SNX7: variants seen among roughly 807,000 people sequenced by gnomAD.
The protein encoded by SNX7 is sorting nexin-7.
A neutral mutation model predicts 48.4 loss-of-function variants in SNX7; 35 were observed. That is an observed-to-expected ratio of 0.72 (90% CI 0.55 to 0.96). The LOEUF is 0.96. Among genes scored for constraint, SNX7 ranks in the 40% least tolerant of loss-of-function variants. SNX7 has a pLI of 0.00. For missense variants in SNX7, 553 were observed against 548.9 expected, an observed-to-expected ratio of 1.01 and a Z score of -0.07; for synonymous variants, 190 against 190.2, an observed-to-expected ratio of 1.00 and a Z score of 0.01.
chr1:98,741,059 T>C (rs929543176), intron 8 of SNX7, among the ~76,000 whole-genome samples: 2 of 152,172 alleles, frequency 1.3e-5, no homozygotes, highest in African/African-American at 4.8e-5. Flanking sequence ...TGTCACTAAC[T>C]ATTAATATCA....
chr1:98,749,208 C>A (rs1052885158), intron 8 of SNX7, among the ~76,000 whole-genome samples: 8 of 152,036 alleles, frequency 5.3e-5, no homozygotes, highest in African/African-American at 1.9e-4. Flanking sequence ...CCTTTCAGAG[C>A]CCCAATTTCC....
chr1:98,729,809 C>T (rs1653400347), intron 7 of SNX7, among the ~76,000 whole-genome samples: 1 of 151,982 alleles, frequency 6.6e-6, no homozygotes, highest in Non-Finnish European at 1.5e-5. Flanking sequence ...GACAGATTTA[C>T]AGCTGAATTC....
intron 5 of SNX7, among the ~76,000 whole-genome samples, chr1:98,697,874 G>A (rs1176823558): frequency 2.0e-5 from 3 of 152,102 alleles, no homozygotes; most frequent in Non-Finnish European, 4.4e-5. Context: ...ATTAGAAGTA[G>A]TTTGTCAGGT....
chr1:98,675,144 A>C (rs899980479), intron 1 of SNX7, among the ~76,000 whole-genome samples: 3 of 152,184 alleles, frequency 2.0e-5, no homozygotes, highest in Admixed American at 6.5e-5. Context: ...TTATTGATCC[A>C]TTTCTCCTGA....
chr1:98,667,822 A>T (rs1430006951), intron 1 of SNX7, among the ~76,000 whole-genome samples: 1 of 151,954 alleles, frequency 6.6e-6, no homozygotes, highest in African/African-American at 2.4e-5. Flanking sequence ...ACTAATGACG[A>T]TTACATGCCC....
At chr1:98,707,337 G>T (rs764763773) in intron 7 of SNX7, among the ~76,000 whole-genome samples, 2 of 152,146 alleles carry the variant, frequency 1.3e-5, no homozygotes, top group Admixed American at 6.5e-5. Flanking sequence ...AAGAGTAATT[G>T]AGTTGCATTA....
intron 7 of SNX7, among the ~76,000 whole-genome samples, chr1:98,710,672 G>A (rs958906414): frequency 2.0e-5 from 3 of 152,068 alleles, no homozygotes; most frequent in Admixed American, 1.3e-4. Context: ...TAGACTTTTT[G>A]TTAATAAGAA....
chr1:98,699,689 T>C (rs954785630), intron 6 of SNX7, among the ~76,000 whole-genome samples: 3 of 152,172 alleles, frequency 2.0e-5, no homozygotes, highest in African/African-American at 7.2e-5. Flanking sequence ...GAGATTTCTT[T>C]CAATTTTTTT....
At chr1:98,741,823 G>A (rs1654086635) in intron 8 of SNX7, among the ~76,000 whole-genome samples, 1 of 152,096 alleles carries the variant, frequency 6.6e-6, no homozygotes, top group African/African-American at 2.4e-5. Context: ...AATGATGAAG[G>A]CTTGAGAGCA....
At chr1:98,693,721 C>T (rs750974780) in intron 4 of SNX7, among the ~76,000 whole-genome samples, 3 of 151,988 alleles carry the variant, frequency 2.0e-5, no homozygotes, top group Non-Finnish European at 4.4e-5. Flanking sequence ...AACAAGTTTA[C>T]TTTGTATGTA....
chr1:98,754,907 A>T (rs886500255), intron 8 of SNX7, among the ~76,000 whole-genome samples: 5 of 151,486 alleles, frequency 3.3e-5, no homozygotes, highest in Non-Finnish European at 7.4e-5. Flanking sequence ...CATTGATTTG[A>T]AATCTTTCCT....
chr1:98,757,943 A>T lies in SNX7; in HGVS notation c.1279-2111A>T, dbSNP rs544699756. Among the ~76,000 whole-genome samples the T allele has an allele frequency of 5.9e-5, 9 of 152,178 alleles. No individual in the cohort carries two copies. In the East Asian group the frequency reaches 1.7e-3, roughly 30 times the overall value. On this transcript the variant is annotated intron_variant, in intron 8 of 8. Transcript: ENST00000306121. ...TCAGTGATTACTTCCACTAGGAAAC[A>T]TTAGGACACTCCAATGTGACTTAGA...
At chr1:98,702,713 G>C (rs897005150) in intron 7 of SNX7, among the ~76,000 whole-genome samples, 5 of 152,130 alleles carry the variant, frequency 3.3e-5, no homozygotes, top group African/African-American at 1.2e-4. Flanking sequence ...TGGAGGTGAT[G>C]ACGTCTCTTG....
chr1:98,666,947 G>T (rs1381439546), intron 1 of SNX7, among the ~76,000 whole-genome samples: 2 of 152,176 alleles, frequency 1.3e-5, no homozygotes, highest in Non-Finnish European at 2.9e-5. Context: ...GCACTATCCA[G>T]CATTAAGTGG....
chr1:98,760,003 A>C, intron 8 of SNX7, 51 bp from the exon 9 acceptor site: 1 of 1,199,960 alleles, frequency 8.3e-7, no homozygotes, highest in Non-Finnish European at 1.2e-6. Context: ...ATCCTTTAAC[A>C]CTGAAAGTAA....
intron 5 of SNX7, 38 bp downstream of exon 5, chr1:98,695,754 C>G: frequency 7.2e-7 from 1 of 1,383,340 alleles, no homozygotes; most frequent in African/African-American, 1.4e-5. Flanking sequence ...CAAAGTTGTT[C>G]AGTTTCTGAT....
At chr1:98,718,619 T>C (rs1477304115) in intron 7 of SNX7, among the ~76,000 whole-genome samples, 3 of 152,070 alleles carry the variant, frequency 2.0e-5, no homozygotes, top group Non-Finnish European at 4.4e-5. Flanking sequence ...GGCTCAAAAT[T>C]CATAAATTTA....
chr1:98,682,733 C>G (rs1045877509), intron 1 of SNX7, among the ~76,000 whole-genome samples: 9 of 152,142 alleles, frequency 5.9e-5, no homozygotes, highest in African/African-American at 1.7e-4. Flanking sequence ...TATGAAATGT[C>G]ATGGTGATGG....
At chr1:98,680,631 G>T (rs1483599712) in intron 1 of SNX7, among the ~76,000 whole-genome samples, 1 of 152,084 alleles carries the variant, frequency 6.6e-6, no homozygotes, top group Non-Finnish European at 1.5e-5. Context: ...TCATCCACTA[G>T]ATACCCTAAA....
Sources: gnomAD v4.1 joint callset for allele counts (sites outside exome capture counted in the v4.1 genomes callset) on GRCh38, gnomAD v4.1.1 for gene constraint, MANE v1.5 for transcripts, NCBI Gene and HGNC (gene_info 2026-07-23, HGNC 2026-07-21) for gene names.